GALNT14: variants seen among roughly 807,000 people sequenced by gnomAD.
The protein encoded by GALNT14 is polypeptide N-acetylgalactosaminyltransferase 14.
GALNT14 carries 60 observed loss-of-function variants against 77.5 expected under a neutral mutation model. That is an observed-to-expected ratio of 0.77 (90% CI 0.63 to 0.96). The LOEUF (loss-of-function observed/expected upper bound fraction) is 0.96, where lower values mean the gene tolerates loss of function less well. Among genes scored for constraint, GALNT14 ranks in the 40% least tolerant of loss-of-function variants. GALNT14 has a pLI of 0.00. For synonymous variants in GALNT14, 280 were observed against 281.7 expected (o/e 0.99, Z 0.06); for missense variants, 710 against 731.0 (o/e 0.97, Z 0.33).
At chr2:31,008,820 G>A (rs13026170) in intron 1 of GALNT14, among the ~76,000 whole-genome samples, 35,856 of 152,140 alleles carry the variant, frequency 0.24, 4,499 homozygotes, top group East Asian at 0.4. Flanking sequence ...AGTCGACACC[G>A]CTCCGGGAGG....
At chr2:31,133,435 G>A (rs1049424412) in intron 1 of GALNT14, among the ~76,000 whole-genome samples, 6 of 152,162 alleles carry the variant, frequency 3.9e-5, no homozygotes, top group Non-Finnish European at 8.8e-5. Context: ...GCATTGGTGG[G>A]ATGCAAATGT....
At chr2:31,014,195 C>T (rs1335503305) in intron 1 of GALNT14, among the ~76,000 whole-genome samples, 1 of 152,140 alleles carries the variant, frequency 6.6e-6, no homozygotes, top group African/African-American at 2.4e-5. Flanking sequence ...GTGGCTTGCA[C>T]ATAGTAAATG....
intron 1 of GALNT14, among the ~76,000 whole-genome samples, chr2:31,072,642 G>A (rs1333444982): frequency 1.3e-5 from 2 of 152,058 alleles, no homozygotes; most frequent in Non-Finnish European, 2.9e-5. Context: ...TGTGACACAG[G>A]CATCTCTCCT....
At chr2:30,930,775 A>T (rs995770602) in intron 10 of GALNT14, among the ~76,000 whole-genome samples, 2 of 152,262 alleles carry the variant, frequency 1.3e-5, no homozygotes, top group African/African-American at 2.4e-5. Context: ...TTGGTGGGGC[A>T]CTGGAGGCAG....
At chr2:30,921,731 A>G (rs1466813079) in intron 13 of GALNT14, among the ~76,000 whole-genome samples, 6 of 152,122 alleles carry the variant, frequency 3.9e-5, no homozygotes, top group Non-Finnish European at 7.3e-5. Context: ...CTTTTGCTGT[A>G]ATCTAACCCA....
intron 6 of GALNT14, among the ~76,000 whole-genome samples, chr2:30,953,543 C>T (rs922653632): frequency 6.6e-6 from 1 of 152,142 alleles, no homozygotes; most frequent in Non-Finnish European, 1.5e-5. Context: ...CTCCTGACCT[C>T]GAGATCCATC....
chr2:30,887,662 T>G, the GALNT14 span, among the ~76,000 whole-genome samples: 4 of 152,246 alleles, frequency 2.6e-5, no homozygotes, highest in South Asian at 8.3e-4. Context: ...GTGGATTGTA[T>G]TTTCACTTTC....
At chr2:30,938,985 T>G (rs889808976) in intron 9 of GALNT14, among the ~76,000 whole-genome samples, 1 of 152,232 alleles carries the variant, frequency 6.6e-6, no homozygotes, top group African/African-American at 2.4e-5. Flanking sequence ...TTTAATCCAA[T>G]GAAACTTATT....
intron 1 of GALNT14, among the ~76,000 whole-genome samples, chr2:31,103,045 T>G (rs1486295964): frequency 6.6e-6 from 1 of 152,130 alleles, no homozygotes; most frequent in East Asian, 1.9e-4. Context: ...ATAAACAACT[T>G]AGAATTGGGT....
At chr2:31,004,180 G>A (rs1670532520) in intron 1 of GALNT14, among the ~76,000 whole-genome samples, 1 of 152,214 alleles carries the variant, frequency 6.6e-6, no homozygotes, top group South Asian at 2.1e-4. Flanking sequence ...GCTGGTCACT[G>A]GAACAGGAGA....
At chr2:30,971,776 A>G (rs1487206157) in intron 2 of GALNT14, among the ~76,000 whole-genome samples, 1 of 150,956 alleles carries the variant, frequency 6.6e-6, no homozygotes, top group African/African-American at 2.4e-5. Flanking sequence ...GCACCTGAAT[A>G]TGTGACAACT....
At chr2:30,947,106 G>C (rs1011069195) in intron 6 of GALNT14, among the ~76,000 whole-genome samples, 3 of 152,138 alleles carry the variant, frequency 2.0e-5, no homozygotes, top group Admixed American at 6.5e-5. Context: ...TTTGAGTTCA[G>C]CCTGCCTCTT....
rs146826590 is a variant in GALNT14 at position 31,059,282 on chromosome 2, A to G, written c.130-66275T>C. 5.7e-3 allele frequency among the ~76,000 whole-genome samples: 873 copies of G among 152,314 alleles called. 9 individuals are homozygous for G. Among genetic ancestry groups the G allele is most frequent in the African/African-American group, 0.02 (849 of 41,568 alleles). Reference sequence around the variant, plus strand: ...AGTATTAGTTCTCCTTGAATTAAGAACAGAAATCACAGCCCATTTCTATTT... The same window carrying G: ...AGTATTAGTTCTCCTTGAATTAAGAGCAGAAATCACAGCCCATTTCTATTT... On this transcript the variant is annotated intron_variant, in intron 1 of 14. Coordinates refer to ENST00000349752, the MANE Select transcript of GALNT14 (RefSeq NM_024572.4).
intron 11 of GALNT14, 69 bp from the exon 12 acceptor site, chr2:30,924,892 GCC>G: frequency 7.7e-7 from 1 of 1,306,096 alleles, no homozygotes. Flanking sequence ...CGCCAGCAAC[GCC>G]AGTCCAGACT....
the GALNT14 span, among the ~76,000 whole-genome samples, chr2:30,888,462 T>C: frequency 6.6e-6 from 1 of 152,180 alleles, no homozygotes; most frequent in African/African-American, 2.4e-5. Context: ...GCAGTGAAGA[T>C]AGTTAATATC....
At chr2:31,105,794 T>G (rs1179957636) in intron 1 of GALNT14, among the ~76,000 whole-genome samples, 1 of 151,758 alleles carries the variant, frequency 6.6e-6, no homozygotes, top group Admixed American at 6.6e-5. Context: ...GCTACTGGAG[T>G]TCCACTGCTT....
At chr2:30,980,771 C>T (rs913206368) in intron 2 of GALNT14, among the ~76,000 whole-genome samples, 5 of 152,218 alleles carry the variant, frequency 3.3e-5, no homozygotes, top group Admixed American at 1.3e-4. Flanking sequence ...GAAAGCACTT[C>T]GTGAAGTCCT....
chr2:30,945,806 T>C lies in GALNT14; in HGVS notation c.719A>G (p.Glu240Gly). The C allele has an allele frequency of 1.9e-6, 3 of 1,614,038 alleles. No homozygotes were observed. The highest frequency in any genetic ancestry group is 2.5e-6 in the Non-Finnish European group (3 of 1,179,990). The change falls in exon 7 of 15, where the codon GAG (glutamate) becomes GGG (glycine). Residue 240 changes from glutamate (E) to glycine (G), a missense_variant. Transcript: ENST00000349752. ...ACCCCCTCTGAGCTCCGAGGCAGAC[T>C]CGATGTAGGTGAAGGTGTCCAGGTT... ...IINLDTFTYIESASELRGGFD... is the reference protein window; with the variant it reads ...IINLDTFTYIGSASELRGGFD...
At chr2:30,931,257 C>T (rs577321793) in intron 10 of GALNT14, among the ~76,000 whole-genome samples, 3 of 151,960 alleles carry the variant, frequency 2.0e-5, no homozygotes, top group African/African-American at 7.3e-5. Flanking sequence ...GCTCCCCCTA[C>T]CCCAATGGAC....
Sources: gnomAD v4.1 joint callset for allele counts (sites outside exome capture counted in the v4.1 genomes callset) on GRCh38, gnomAD v4.1.1 for gene constraint, MANE v1.5 for transcripts, NCBI Gene and HGNC (gene_info 2026-07-23, HGNC 2026-07-21) for gene names.